ZNF385D: variants seen among roughly 807,000 people sequenced by gnomAD.
ZNF385D encodes the protein zinc finger protein 659.
A neutral mutation model predicts 35.8 loss-of-function variants in ZNF385D; 15 were observed. That is an observed-to-expected ratio of 0.42 (90% CI 0.28 to 0.64). The LOEUF (loss-of-function observed/expected upper bound fraction) is 0.64, where lower values mean the gene tolerates loss of function less well. Among genes scored for constraint, ZNF385D ranks in the 30% least tolerant of loss-of-function variants. The probability of loss-of-function intolerance (pLI) is 0.23; values close to 1 mark genes in which losing one functional copy is unlikely to be tolerated. For synonymous variants in ZNF385D, 212 were observed against 186.8 expected (o/e 1.13, Z -1.10); for missense variants, 474 against 494.6 (o/e 0.96, Z 0.39).
intron 1 of ZNF385D, among the ~76,000 whole-genome samples, chr3:21,718,820 A>T (rs1274868209): frequency 1.3e-5 from 2 of 152,246 alleles, no homozygotes; most frequent in Non-Finnish European, 2.9e-5. Context: ...AACTGAATCA[A>T]TTTTTAAAAT....
chr3:21,718,113 A>C (rs2125439405), intron 1 of ZNF385D, among the ~76,000 whole-genome samples: 1 of 152,354 alleles, frequency 6.6e-6, no homozygotes, highest in Non-Finnish European at 1.5e-5. Flanking sequence ...TAGGCTAAAT[A>C]AAAAGTGAAC....
chr3:21,434,188 C>T (rs1156925855), intron 5 of ZNF385D, among the ~76,000 whole-genome samples: 1 of 152,110 alleles, frequency 6.6e-6, no homozygotes. Context: ...ATTTGGTCAG[C>T]CCCAATTGTT....
intron 3 of ZNF385D, among the ~76,000 whole-genome samples, chr3:22,045,894 A>G (rs948347963): frequency 2.6e-5 from 4 of 152,164 alleles, no homozygotes; most frequent in South Asian, 2.1e-4. Flanking sequence ...GTAGAATTAT[A>G]ATGGAGATCT....
chr3:21,896,460 C>G (rs966653921), intron 3 of ZNF385D, among the ~76,000 whole-genome samples: 3 of 152,192 alleles, frequency 2.0e-5, no homozygotes, highest in Non-Finnish European at 4.4e-5. Context: ...GTTCTACAAT[C>G]AGATATACCT....
At chr3:21,682,079 T>C (rs2066929190) in intron 1 of ZNF385D, among the ~76,000 whole-genome samples, 1 of 152,016 alleles carries the variant, frequency 6.6e-6, no homozygotes, top group Non-Finnish European at 1.5e-5. Flanking sequence ...GAAAAAAGAG[T>C]AATGTAAAGG....
At chr3:22,018,160 T>C (rs1244030947) in intron 3 of ZNF385D, among the ~76,000 whole-genome samples, 1 of 151,764 alleles carries the variant, frequency 6.6e-6, no homozygotes, top group East Asian at 1.9e-4. Flanking sequence ...AAAAATATTC[T>C]CTGTGTTTTA....
chr3:22,177,987 T>A (rs541875065), intron 2 of ZNF385D, among the ~76,000 whole-genome samples: 2 of 152,338 alleles, frequency 1.3e-5, no homozygotes, highest in South Asian at 4.1e-4. Context: ...TCTATCATTG[T>A]TGGACATTTG....
intron 2 of ZNF385D, among the ~76,000 whole-genome samples, chr3:22,268,370 A>G (rs2125356966): frequency 6.6e-6 from 1 of 152,154 alleles, no homozygotes; most frequent in Non-Finnish European, 1.5e-5. Flanking sequence ...TAAATGTTAT[A>G]GTACATGAAA....
chr3:22,017,438 G>C lies in ZNF385D; in HGVS notation c.325+151379C>G, dbSNP rs1439658816. 2.6e-5 allele frequency among the ~76,000 whole-genome samples: 4 copies of C among 151,966 alleles called. No homozygotes were observed. In the East Asian group the frequency reaches 7.7e-4, roughly 29 times the overall value. On this transcript the variant is annotated intron_variant, in intron 3 of 5. Transcript: ENST00000494108. ...GTGTTGTCTTTCAGCTGTATCTCTTGTAAAGAAATCAAAGCTCTATTATTT... is the reference window on the plus strand; with the variant it reads ...GTGTTGTCTTTCAGCTGTATCTCTTCTAAAGAAATCAAAGCTCTATTATTT...
chr3:21,962,182 G>C (rs1455176934), intron 3 of ZNF385D, among the ~76,000 whole-genome samples: 1 of 152,152 alleles, frequency 6.6e-6, no homozygotes, highest in Non-Finnish European at 1.5e-5. Flanking sequence ...ATATTGCTGG[G>C]AAGAGATGAT....
chr3:22,084,524 C>T (rs184773337), intron 3 of ZNF385D, among the ~76,000 whole-genome samples: 23 of 152,250 alleles, frequency 1.5e-4, no homozygotes, highest in African/African-American at 5.3e-4. Flanking sequence ...ACAAGAAGAG[C>T]TAACTATCCT....
Position 21,605,957 on chromosome 3 carries a change from C to T in ZNF385D, c.166-41273G>A, listed in dbSNP as rs1002276126. Among the ~76,000 whole-genome samples the T allele has an allele frequency of 6.6e-5, 10 of 151,558 alleles. No homozygotes were observed. In the South Asian group the frequency reaches 8.3e-4, roughly 13 times the overall value. On this transcript the variant is annotated intron_variant, in intron 2 of 7. Transcript: ENST00000281523. ...AAACCACGTAATGCACATCTTAAAA[C>T]GTGCAGACTGTGCTGGTATTCTCTG...
intron 3 of ZNF385D, among the ~76,000 whole-genome samples, chr3:21,920,622 C>CAA (rs71044953): frequency 0.52 from 67,059 of 129,398 alleles, 18,674 homozygotes; most frequent in Non-Finnish European, 0.64. Flanking sequence ...GATACAATGC[C>CAA]AAAAAAAAAA....
chr3:22,168,375 T>C (rs745672271), intron 3 of ZNF385D: 3 of 152,340 alleles, frequency 2.0e-5, no homozygotes, highest in East Asian at 1.9e-4. Context: ...TAACAGATCA[T>C]AGTTTATTGA....
intron 3 of ZNF385D, among the ~76,000 whole-genome samples, chr3:21,935,891 CAG>C (rs1328455906): frequency 1.3e-5 from 2 of 152,102 alleles, no homozygotes; most frequent in African/African-American, 4.8e-5. Context: ...ATCATGTAAA[CAG>C]AGTTTGGCTT....
chr3:21,983,201 A>T (rs1694603727), intron 3 of ZNF385D, among the ~76,000 whole-genome samples: 2 of 145,892 alleles, frequency 1.4e-5, no homozygotes, highest in African/African-American at 2.5e-5. Context: ...TTTAGGGTAC[A>T]TGTGCACATT....
chr3:21,880,202 G>A (rs1342540937), intron 3 of ZNF385D, among the ~76,000 whole-genome samples: 1 of 151,870 alleles, frequency 6.6e-6, no homozygotes, highest in Non-Finnish European at 1.5e-5. Context: ...AGTAGGATCA[G>A]CCTCACTTAT....
At chr3:22,287,356 C>T (rs189726922) in intron 2 of ZNF385D, among the ~76,000 whole-genome samples, 51 of 151,932 alleles carry the variant, frequency 3.4e-4, no homozygotes, top group Non-Finnish European at 4.4e-4. Flanking sequence ...AAATCTTAAT[C>T]CATTTAAAGT....
rs182763474 is a variant in ZNF385D, at chr3:22,330,981, C to T, written c.106+41469G>A. ...CTATGTCCACCTTATTGTGCTGCTA[C>T]ACATGAATTTTAACTCTTAAAAAAT... On this transcript the variant is annotated intron_variant, in intron 2 of 5. Coordinates refer to the ZNF385D transcript ENST00000494108. 4.7e-4 allele frequency among the ~76,000 whole-genome samples: 71 copies of T among 152,272 alleles called. No individual in the cohort carries two copies. The Middle Eastern group carries it at 0.017, about 36-fold the overall frequency.
Sources: allele counts gnomAD v4.1 joint callset (sites outside exome capture counted in the v4.1 genomes callset), GRCh38; gene constraint gnomAD v4.1.1; transcripts MANE v1.5; gene names NCBI Gene and HGNC (gene_info 2026-07-23, HGNC 2026-07-21).